SCAPER: variants seen among roughly 807,000 people sequenced by gnomAD.
The protein encoded by SCAPER is S-phase cyclin A associated protein in the ER.
Under a neutral mutation model 182.2 loss-of-function variants are expected in SCAPER, and 98 were observed. That is an observed-to-expected ratio of 0.54 (90% CI 0.46 to 0.64). The LOEUF is 0.64. Among genes scored for constraint, SCAPER ranks in the 30% least tolerant of loss-of-function variants. The probability of loss-of-function intolerance (pLI) is 0.00; values close to 1 mark genes in which losing one functional copy is unlikely to be tolerated. For synonymous variants in SCAPER, 605 were observed against 564.6 expected (o/e 1.07, Z -1.01); for missense variants, 1,432 against 1,690.0 (o/e 0.85, Z 2.68).
At chr15:76,899,878 C>T (rs1290836251) in intron 1 of SCAPER, among the ~76,000 whole-genome samples, 2 of 152,236 alleles carry the variant, frequency 1.3e-5, no homozygotes, top group Admixed American at 6.5e-5. Context: ...GCCATGATGA[C>T]GATGGCGGTT....
chr15:76,419,681 T>A (rs1044792317), intron 26 of SCAPER, among the ~76,000 whole-genome samples: 1 of 151,858 alleles, frequency 6.6e-6, no homozygotes, highest in Non-Finnish European at 1.5e-5. Flanking sequence ...GATTGTACCA[T>A]TGCACTCCAG....
chr15:76,835,437 C>T (rs1196873471), intron 5 of SCAPER, among the ~76,000 whole-genome samples: 1 of 152,074 alleles, frequency 6.6e-6, no homozygotes, highest in African/African-American at 2.4e-5. Flanking sequence ...GAACTAAAAA[C>T]AAAAACCACA....
chr15:76,673,754 A>G (rs2057186833), intron 20 of SCAPER, among the ~76,000 whole-genome samples: 1 of 152,120 alleles, frequency 6.6e-6, no homozygotes. Context: ...ATGGCTGATA[A>G]TAAGTCTAAC....
At chr15:76,507,526 A>G (rs1408234372) in intron 23 of SCAPER, among the ~76,000 whole-genome samples, 1 of 151,942 alleles carries the variant, frequency 6.6e-6, no homozygotes, top group Non-Finnish European at 1.5e-5. Flanking sequence ...TTTTTTTTGA[A>G]AAGGGAGTAG....
intron 24 of SCAPER, among the ~76,000 whole-genome samples, chr15:76,471,754 G>C (rs1411645078): frequency 6.6e-6 from 1 of 152,142 alleles, no homozygotes; most frequent in African/African-American, 2.4e-5. Flanking sequence ...TGGAAGAAGA[G>C]AGCACCCATA....
chr15:76,881,898 T>A (rs1200551591), intron 2 of SCAPER, among the ~76,000 whole-genome samples: 1 of 152,122 alleles, frequency 6.6e-6, no homozygotes, highest in African/African-American at 2.4e-5. Flanking sequence ...TTAGCACAAT[T>A]TAAAAAAATT....
At chr15:76,552,979 C>T (rs1000828132) in intron 23 of SCAPER, among the ~76,000 whole-genome samples, 2 of 152,166 alleles carry the variant, frequency 1.3e-5, no homozygotes, top group African/African-American at 4.8e-5. Context: ...GTTGGCAGAC[C>T]GCTTTTACCT....
rs977468995 is a variant in SCAPER, at chr15:76,751,654, A to G, written c.1866+2154T>C. Among the ~76,000 whole-genome samples, 5 of 151,722 alleles carry G rather than the reference A, an allele frequency of 3.3e-5. No individual in the cohort carries two copies. The South Asian group carries it at 8.3e-4, about 25-fold the overall frequency. ...AGAAAAGCCTTTTCAGCAAATGGTA[A>G]TGGGAAAACTCGACAGCCACATGGC... On this transcript the variant is annotated intron_variant, in intron 15 of 31. Coordinates refer to ENST00000563290, the MANE Select transcript of SCAPER (RefSeq NM_020843.4).
At chr15:76,873,422 T>C (rs920632940) in intron 2 of SCAPER, among the ~76,000 whole-genome samples, 2 of 151,246 alleles carry the variant, frequency 1.3e-5, no homozygotes, top group African/African-American at 2.4e-5. Flanking sequence ...TAATAATACA[T>C]AAATAATGGG....
intron 22 of SCAPER, among the ~76,000 whole-genome samples, chr15:76,585,657 G>C (rs1429831443): frequency 6.6e-6 from 1 of 152,134 alleles, no homozygotes; most frequent in Non-Finnish European, 1.5e-5. Flanking sequence ...TTCACCCTGA[G>C]GTAAATCAAT....
chr15:76,622,095 T>G (rs948554378), intron 21 of SCAPER, among the ~76,000 whole-genome samples: 2 of 152,190 alleles, frequency 1.3e-5, no homozygotes, highest in African/African-American at 2.4e-5. Context: ...AGATGTGTTT[T>G]GTTTTTGTTT....
chr15:76,643,086 A>G (rs2054234339), intron 21 of SCAPER, among the ~76,000 whole-genome samples: 1 of 152,180 alleles, frequency 6.6e-6, no homozygotes, highest in Admixed American at 6.5e-5. Flanking sequence ...CATCACCTCT[A>G]TCTGTGCCCC....
chr15:76,664,314 C>T (rs1206959743), intron 21 of SCAPER, among the ~76,000 whole-genome samples: 3 of 152,098 alleles, frequency 2.0e-5, no homozygotes, highest in Non-Finnish European at 2.9e-5. Context: ...GTTAGAGAGA[C>T]GTTGTCAAAT....
At chr15:76,380,463 A>G (rs1016326100) in intron 28 of SCAPER, 5 of 152,172 alleles carry the variant, frequency 3.3e-5, no homozygotes, top group Admixed American at 3.3e-4. Context: ...CATCAATTAA[A>G]GAATGGCACA....
intron 29 of SCAPER, among the ~76,000 whole-genome samples, chr15:76,363,352 G>A (rs772716894): frequency 3.3e-5 from 5 of 152,160 alleles, no homozygotes; most frequent in Non-Finnish European, 7.3e-5. Flanking sequence ...TACCCATCCC[G>A]GGCCTTCAAG....
intron 27 of SCAPER, among the ~76,000 whole-genome samples, chr15:76,384,298 T>C (rs141105618): frequency 6.6e-6 from 1 of 152,208 alleles, no homozygotes; most frequent in Non-Finnish European, 1.5e-5. Context: ...TTTACTCTTG[T>C]GTTGCTTTTA....
chr15:76,876,392 C>T (rs2073165222), intron 2 of SCAPER, among the ~76,000 whole-genome samples: 2 of 149,102 alleles, frequency 1.3e-5, no homozygotes, highest in Non-Finnish European at 3.0e-5. Flanking sequence ...CATGCTACTG[C>T]ACTCCAGCCT....
At chr15:76,761,967 G>T (rs535873844) in intron 14 of SCAPER, among the ~76,000 whole-genome samples, 2 of 152,154 alleles carry the variant, frequency 1.3e-5, no homozygotes, top group African/African-American at 4.8e-5. Context: ...TTAGGTTGCT[G>T]GGTGCAAATA....
At chr15:76,497,989 CAAAAAAAAA>C (rs747096625) in intron 24 of SCAPER, among the ~76,000 whole-genome samples, 29 of 58,320 alleles carry the variant, frequency 5.0e-4, no homozygotes, top group South Asian at 2.0e-3. Context: ...GACTCCGTCT[CAAAAAAAAA>C]AAAAAAAAAA....
Sources: allele counts gnomAD v4.1 joint callset (sites outside exome capture counted in the v4.1 genomes callset), GRCh38; gene constraint gnomAD v4.1.1; transcripts MANE v1.5; gene names NCBI Gene and HGNC (gene_info 2026-07-23, HGNC 2026-07-21).